The following KIRREL3 variants were observed in gnomAD, a reference collection of about 807,000 sequenced individuals.
KIRREL3 encodes kin of IRRE-like protein 3.
In KIRREL3, 36 loss-of-function variants were observed where a neutral mutation model predicts 89.7. The observed-to-expected ratio is 0.40, with a 90% CI of 0.31 to 0.53. The LOEUF is 0.53. Among genes scored for constraint, KIRREL3 ranks in the 20% least tolerant of loss-of-function variants. The pLI is 0.49. For synonymous variants in KIRREL3, 445 were observed against 441.4 expected, an observed-to-expected ratio of 1.01 and a Z score of -0.10; for missense variants, 864 against 1,056.6, an observed-to-expected ratio of 0.82 and a Z score of 2.53.
At chr11:126,907,421 C>T (rs978976605) in intron 1 of KIRREL3, among the ~76,000 whole-genome samples, 3 of 152,200 alleles carry the variant, frequency 2.0e-5, no homozygotes, top group African/African-American at 7.2e-5. Flanking sequence ...AAGGCAGGGT[C>T]ATTTCCAATG....
rs1188177536 is a variant in KIRREL3 at position 126,615,919 on chromosome 11, C to T, written c.56-53007G>A. On this transcript the variant is annotated intron_variant, in intron 1 of 16. Coordinates refer to ENST00000525144, the MANE Select transcript of KIRREL3 (RefSeq NM_032531.4). The surrounding 1 kb of genome is among the most constrained non-coding windows in gnomAD (Gnocchi z 5.4). ...TGGGGAGCAGACTTCTTTGTATGCCCCCGGGGACAGGACAGGATGGAGGGA... is the reference window on the plus strand; with the variant it reads ...TGGGGAGCAGACTTCTTTGTATGCCTCCGGGGACAGGACAGGATGGAGGGA... Among the ~76,000 whole-genome samples the T allele has an allele frequency of 6.6e-6, 1 of 152,102 alleles. No individual in the cohort carries two copies. The highest frequency in any genetic ancestry group is 2.1e-4 in the South Asian group (1 of 4,818).
At chr11:126,500,140 A>G (rs1957808603) in intron 4 of KIRREL3, among the ~76,000 whole-genome samples, 1 of 152,138 alleles carries the variant, frequency 6.6e-6, no homozygotes, top group South Asian at 2.1e-4. Flanking sequence ...ACCTGTCTTT[A>G]TTATTAGATG....
chr11:126,756,369 A>G (rs908099188), intron 1 of KIRREL3, among the ~76,000 whole-genome samples: 1 of 152,248 alleles, frequency 6.6e-6, no homozygotes, highest in South Asian at 2.1e-4. Flanking sequence ...ATTGTGTTGT[A>G]TTGAATGTCA....
chr11:126,751,136 C>T (rs912806724), intron 1 of KIRREL3, among the ~76,000 whole-genome samples: 3 of 152,340 alleles, frequency 2.0e-5, no homozygotes, highest in East Asian at 1.9e-4. Flanking sequence ...GACACACTGT[C>T]GGAATGCATC....
At chr11:126,813,201 T>C (rs1325213619) in intron 1 of KIRREL3, among the ~76,000 whole-genome samples, 1 of 152,236 alleles carries the variant, frequency 6.6e-6, no homozygotes, top group Non-Finnish European at 1.5e-5. Flanking sequence ...TCAAGGACTG[T>C]GCCTTCAGAT....
At chr11:126,789,848 C>A (rs888707826) in intron 1 of KIRREL3, among the ~76,000 whole-genome samples, 7 of 152,216 alleles carry the variant, frequency 4.6e-5, no homozygotes, top group African/African-American at 1.7e-4. Context: ...CGTCCTTGAA[C>A]TTTCTCTTTC....
chr11:126,957,121 C>A (rs956101809), intron 1 of KIRREL3, among the ~76,000 whole-genome samples: 15 of 152,138 alleles, frequency 9.9e-5, no homozygotes, highest in African/African-American at 3.6e-4. Context: ...AGAGTTCAGC[C>A]CTGTGAGGAC....
At chr11:126,863,522 TGCGTGTGTGA>T (rs1311514091) in intron 1 of KIRREL3, among the ~76,000 whole-genome samples, 2 of 149,254 alleles carry the variant, frequency 1.3e-5, no homozygotes, top group African/African-American at 5.0e-5. Flanking sequence ...TGTGTTTGAG[TGCGTGTGTGA>T]GTGCGTGTGA....
In KIRREL3 at chr11:126,566,012, A is replaced by G. The variant is rs1233366352; in HGVS notation, c.56-3100T>C. Among the ~76,000 whole-genome samples, 1 of 152,172 alleles carries G rather than the reference A, an allele frequency of 6.6e-6. No individual in the cohort carries two copies. The highest frequency in any genetic ancestry group is 1.5e-5 in the Non-Finnish European group (1 of 68,040). Reference sequence around the variant, plus strand: ...CCCATAGCATGGAGATGAATGGGAGAGTCAGATCACAGATGCACATTTTGG... The same window carrying G: ...CCCATAGCATGGAGATGAATGGGAGGGTCAGATCACAGATGCACATTTTGG... On this transcript the variant is annotated intron_variant, in intron 1 of 16. Coordinates refer to ENST00000525144, the MANE Select transcript of KIRREL3 (RefSeq NM_032531.4). This position sits in a 1 kb window ranked among gnomAD's most constrained non-coding sequence, Gnocchi z 4.9.
chr11:126,981,260 T>C lies in KIRREL3; in HGVS notation c.55+19195A>G, dbSNP rs1435930405. 6.6e-6 allele frequency among the ~76,000 whole-genome samples: 1 copy of C among 152,228 alleles called. No individual in the cohort carries two copies. The highest frequency in any genetic ancestry group is 2.4e-5 in the African/African-American group (1 of 41,464). The stretch of plus-strand genomic sequence containing the variant: ...TTTGCAAGCTATTCTATTTTATTTG[T>C]TCTTAGTGTTCAGCCTGGGACCTAG... On this transcript the variant is annotated intron_variant, in intron 1 of 16. Coordinates refer to ENST00000525144, the MANE Select transcript of KIRREL3 (RefSeq NM_032531.4). This position sits in a 1 kb window ranked among gnomAD's most constrained non-coding sequence, Gnocchi z 4.2.
chr11:126,973,234 C>A (rs753949087), intron 1 of KIRREL3, among the ~76,000 whole-genome samples: 11 of 151,774 alleles, frequency 7.2e-5, no homozygotes, highest in Non-Finnish European at 1.2e-4. Context: ...CTGAGGGAGT[C>A]TTCTTAGGGC....
intron 1 of KIRREL3, among the ~76,000 whole-genome samples, chr11:126,787,055 T>C (rs1186005104): frequency 6.6e-6 from 1 of 152,192 alleles, no homozygotes; most frequent in African/African-American, 2.4e-5. Context: ...GTTCTGGCTT[T>C]TGCCTGCATT....
intron 4 of KIRREL3, among the ~76,000 whole-genome samples, chr11:126,493,654 C>CAAAAAAA (rs5795499): frequency 1.5e-4 from 12 of 82,198 alleles, no homozygotes; most frequent in East Asian, 7.8e-4. Context: ...GACTCTGTCT[C>CAAAAAAA]AAAAAAAAAA....
rs1436903520 is a variant in KIRREL3 at position 126,990,859 on chromosome 11, G to A, written c.55+9596C>T. ...GGTGGTTTTGCTTTCTTTGCCACAAGGTCAGTGAGGCAGGGAAGGGTGGGA... is the reference window on the plus strand; with the variant it reads ...GGTGGTTTTGCTTTCTTTGCCACAAAGTCAGTGAGGCAGGGAAGGGTGGGA... On this transcript the variant is annotated intron_variant, in intron 1 of 16. Transcript: ENST00000525144. The surrounding 1 kb of genome is among the most constrained non-coding windows in gnomAD (Gnocchi z 6.3). 2.0e-5 allele frequency among the ~76,000 whole-genome samples: 3 copies of A among 152,170 alleles called. No individual in the cohort carries two copies. The highest frequency in any genetic ancestry group is 6.5e-5 in the Admixed American group (1 of 15,282).
chr11:126,529,617 A>AAG (rs1958880062), intron 2 of KIRREL3, among the ~76,000 whole-genome samples: 1 of 142,254 alleles, frequency 7.0e-6, no homozygotes, highest in African/African-American at 2.7e-5. Flanking sequence ...AAAAAAAAAA[A>AAG]AGACCTTCCT....
In KIRREL3 at chr11:126,703,276, T is replaced by C. The variant is rs972360079; in HGVS notation, c.56-140364A>G. Among the ~76,000 whole-genome samples, 3 of 152,244 alleles carry C rather than the reference T, an allele frequency of 2.0e-5. No homozygotes were observed. The highest frequency in any genetic ancestry group is 7.2e-5 in the African/African-American group (3 of 41,472). ...CTGTGCACTGCACAAGGCCAAGGCT[T>C]ACCATTTGCATGGTCTGCGGAGGAA... On this transcript the variant is annotated intron_variant, in intron 1 of 16. Coordinates refer to ENST00000525144, the MANE Select transcript of KIRREL3 (RefSeq NM_032531.4). The surrounding 1 kb of genome is among the most constrained non-coding windows in gnomAD (Gnocchi z 4.6).
At chr11:126,725,923 G>GC (rs1327823302) in intron 1 of KIRREL3, among the ~76,000 whole-genome samples, 7 of 152,204 alleles carry the variant, frequency 4.6e-5, no homozygotes, top group Non-Finnish European at 1.5e-5. Context: ...TTCACCCCCA[G>GC]TTTCTCTGGT....
At chr11:126,781,474 G>A (rs997794669) in intron 1 of KIRREL3, among the ~76,000 whole-genome samples, 1 of 152,172 alleles carries the variant, frequency 6.6e-6, no homozygotes, top group Non-Finnish European at 1.5e-5. Context: ...AAATCATACT[G>A]TGTATACAAT....
intron 1 of KIRREL3, among the ~76,000 whole-genome samples, chr11:126,572,127 G>C (rs1940978819): frequency 6.6e-6 from 1 of 152,194 alleles, no homozygotes; most frequent in African/African-American, 2.4e-5. Context: ...TGGGAGGCCA[G>C]GCAGGAAAAG....
Sources: allele counts gnomAD v4.1 joint callset (sites outside exome capture counted in the v4.1 genomes callset), GRCh38; gene constraint gnomAD v4.1.1; non-coding constraint Gnocchi (gnomAD v3.1); transcripts MANE v1.5; gene names NCBI Gene and HGNC (gene_info 2026-07-23, HGNC 2026-07-21).